Variants in OR2D3 observed in about 807,000 individuals in gnomAD.
The protein encoded by OR2D3 is olfactory receptor family 2 subfamily D member 3, also known as olfactory receptor 2D3.
For missense variants in OR2D3, 409 were observed against 388.8 expected, an observed-to-expected ratio of 1.05 and a Z score of -0.44; for synonymous variants, 154 against 145.8, an observed-to-expected ratio of 1.06 and a Z score of -0.40.
Position 6,921,496 on chromosome 11 carries a change from G to A in OR2D3, c.495G>A (p.Trp165Ter). The A allele has an allele frequency of 6.2e-7, 1 of 1,613,944 alleles. No individual in the cohort carries two copies. Among genetic ancestry groups the A allele is most frequent in the East Asian group, 2.2e-5 (1 of 44,868 alleles). The change falls in exon 1 of 1, where the codon TGG becomes TGA. Residue 165 changes from tryptophan to a stop codon, truncating the protein, a stop_gained. Coordinates refer to ENST00000317834, the MANE Select transcript of OR2D3 (RefSeq NM_001004684.1). LOFTEE classifies it high-confidence loss of function. ...GTCTCTGGCTGTCCTTCAGGTCCTG[G>A]GCCAGTGGGGCACTAGTGTCTTTAG... Reference protein sequence around the residue: ...RVCLWLSFRSWASGALVSLVD... With the variant: ...RVCLWLSFRS
rs140839608 is a variant in OR2D3 at position 6,921,910 on chromosome 11, C to G, written c.909C>G (p.Pro303=). The G allele has an allele frequency of 5.0e-5, 81 of 1,613,960 alleles. No homozygotes were observed. The highest frequency in any genetic ancestry group is 6.9e-5 in the Non-Finnish European group (81 of 1,180,014). Residue 303 remains proline (P), a synonymous_variant, in exon 1 of 1, where the codon CCC becomes CCG. Transcript: ENST00000317834. ...CAGCGGTGACTCCAATGTTGAACCC[C>G]ATAATTTATAGCTTGAGGAACAAAG... ...FYTAVTPMLN[P]IIYSLRNKDV...
Position 6,921,975 on chromosome 11 carries a change from G to C in OR2D3, c.974G>C (p.Cys325Ser). ...CTCAGGAAACTAGTTGGGAGAAAGT[G>C]CTTCTCTCATAGGCAGTGACCTCTG... Reference protein sequence around the residue: ...GALRKLVGRKCFSHRQ With the variant: ...GALRKLVGRKSFSHRQ Residue 325 changes from cysteine to serine, a missense_variant, in exon 1 of 1, where the codon TGC becomes TCC. Physicochemically the swap from Cys to Ser is moderately radical, Grantham distance 112. Coordinates refer to ENST00000317834, the MANE Select transcript of OR2D3 (RefSeq NM_001004684.1). 3 of 1,614,098 alleles carry C rather than the reference G, an allele frequency of 1.9e-6. No individual in the cohort carries two copies. Among genetic ancestry groups the C allele is most frequent in the Non-Finnish European group, 2.5e-6 (3 of 1,180,002 alleles).
At position 6,921,675 on chromosome 11, in the gene OR2D3, C is replaced by G; in HGVS notation, c.674C>G (p.Ala225Gly). Residue 225 changes from alanine (A) to glycine (G), a missense_variant, in exon 1 of 1, where the codon GCC (alanine) becomes GGC (glycine). Transcript: ENST00000317834. ...TCAATGGGCGTGGTAATCCTCCTGG[C>G]CCCTGTCTCCCTGATTCTTGGTTCT... ...IFSMGVVILL[A>G]PVSLILGSYW... 8 of 1,559,292 alleles carry G rather than the reference C, an allele frequency of 5.1e-6. No homozygotes were observed. Among genetic ancestry groups the G allele is most frequent in the Non-Finnish European group, 6.9e-6 (8 of 1,156,200 alleles).
rs1848950054 is a variant in OR2D3, at chr11:6,921,534, T to C, written c.533T>C (p.Phe178Ser). 6.2e-7 allele frequency: 1 copy of C among 1,614,008 alleles called. No homozygotes were observed. Among genetic ancestry groups the C allele is most frequent in the Non-Finnish European group, 8.5e-7 (1 of 1,180,022 alleles). ...CTAGTGTCTTTAGTAGATACCAGCT[T>C]TACTTTCCATCTTCCCTACTGGGGA... ...GALVSLVDTS[F>S]TFHLPYWGQN... The change falls in exon 1 of 1, where the codon TTT (phenylalanine) becomes TCT (serine). Residue 178 changes from phenylalanine (F) to serine (S), a missense_variant. Physicochemically the swap from Phe to Ser is radical, Grantham distance 155 (BLOSUM62 -2). Transcript: ENST00000317834.
chr11:6,921,526 TA>T lies in OR2D3; in HGVS notation c.526del (p.Thr176ProfsTer14), dbSNP rs1418677320. The T allele has an allele frequency of 1.2e-6, 2 of 1,614,022 alleles. No homozygotes were observed. The highest frequency in any genetic ancestry group is 1.7e-6 in the Non-Finnish European group (2 of 1,180,028). On this transcript the variant is annotated frameshift_variant, in exon 1 of 1. Coordinates refer to ENST00000317834, the MANE Select transcript of OR2D3 (RefSeq NM_001004684.1). LOFTEE classifies it high-confidence loss of function. Reference sequence around the variant, plus strand: ...GTGGGGCACTAGTGTCTTTAGTAGATACCAGCTTTACTTTCCATCTTCCCTA... The same window carrying T: ...GTGGGGCACTAGTGTCTTTAGTAGATCCAGCTTTACTTTCCATCTTCCCTA... ...ASGALVSLVDTSFTFHLPYWG... is the reference protein window; with the variant it reads ...ASGALVSLVDXSFTFHLPYWG...
In OR2D3 at chr11:6,921,124, C is replaced by T. The variant is rs1440464188; in HGVS notation, c.123C>T (p.Ile41=). The T allele has an allele frequency of 6.2e-7, 1 of 1,614,130 alleles. No individual in the cohort carries two copies. The highest frequency in any genetic ancestry group is 2.2e-5 in the East Asian group (1 of 44,884). ...LGLSQDLQTQ[I]LLFILFLIIY... is the part of the protein sequence containing the mutation. ...TTTCACAGGACTTGCAGACCCAGATCCTGCTATTTATCCTTTTCCTCATCA... is the reference window on the plus strand; with the variant it reads ...TTTCACAGGACTTGCAGACCCAGATTCTGCTATTTATCCTTTTCCTCATCA... The change falls in exon 1 of 1, where the codon ATC becomes ATT. Residue 41 remains isoleucine (I), a synonymous_variant. Transcript: ENST00000317834.
In OR2D3 at chr11:6,921,558, G is replaced by A; in HGVS notation, c.557G>A (p.Gly186Glu). ...TSFTFHLPYW[G>E]QNIINHYFCE... is the part of the protein sequence containing the mutation. ...TTTACTTTCCATCTTCCCTACTGGG[G>A]ACAGAATATAATCAATCACTACTTT... The change falls in exon 1 of 1, where the codon GGA becomes GAA. Residue 186 changes from glycine (G) to glutamate (E), a missense_variant. Physicochemically the swap from Gly to Glu is moderately conservative, Grantham distance 98. Coordinates refer to ENST00000317834, the MANE Select transcript of OR2D3 (RefSeq NM_001004684.1). The A allele has an allele frequency of 1.9e-6, 3 of 1,614,110 alleles. No individual in the cohort carries two copies. The highest frequency in any genetic ancestry group is 2.5e-6 in the Non-Finnish European group (3 of 1,180,018).
At position 6,921,614 on chromosome 11, in the gene OR2D3, TCCATAGACACTTACAGCACAGAAATGG is replaced by T; in HGVS notation, c.618_644del (p.Asp207_Ile215del). On this transcript the variant is annotated inframe_deletion, in exon 1 of 1. Transcript: ENST00000317834. ...ACCTCCTGCCCTCCTGAAGCTGGCT[TCCATAGACACTTACAGCACAGAAATGG>T]CCATCTTTTCAATGGGCGTGGTAAT... The T allele has an allele frequency of 6.2e-7, 1 of 1,608,202 alleles. No individual in the cohort carries two copies. The highest frequency in any genetic ancestry group is 8.5e-7 in the Non-Finnish European group (1 of 1,177,052).
Position 6,921,677 on chromosome 11 carries a change from C to G in OR2D3, c.676C>G (p.Pro226Ala). The change falls in exon 1 of 1, where the codon CCT becomes GCT. Residue 226 changes from proline (P) to alanine (A), a missense_variant. By Grantham distance (27) the Pro-to-Ala change is conservative (BLOSUM62 -1). Transcript: ENST00000317834. ...AATGGGCGTGGTAATCCTCCTGGCC[C>G]CTGTCTCCCTGATTCTTGGTTCTTA... is the stretch of plus-strand genomic sequence containing the variant. ...FSMGVVILLAPVSLILGSYWN... is the reference protein window; with the variant it reads ...FSMGVVILLAAVSLILGSYWN... 1 of 1,557,256 alleles carries G rather than the reference C, an allele frequency of 6.4e-7. No homozygotes were observed. The highest frequency in any genetic ancestry group is 2.2e-5 in the East Asian group (1 of 44,550).
At position 6,921,464 on chromosome 11, in the gene OR2D3, C is replaced by G. The variant is rs12806437; in HGVS notation, c.463C>G (p.Arg155Gly). ...PLYYSTIMTQ[R>G]VCLWLSFRSW... ...GTACTACTCTACCATCATGACACAA[C>G]GGGTGTGTCTCTGGCTGTCCTTCAG... The change falls in exon 1 of 1, where the codon CGG (arginine) becomes GGG (glycine). Residue 155 changes from arginine to glycine, a missense_variant. Physicochemically the swap from Arg to Gly is moderately radical, Grantham distance 125 (BLOSUM62 -2). Transcript: ENST00000317834. The G allele has an allele frequency of 9.3e-6, 15 of 1,612,858 alleles. No individual in the cohort carries two copies. In the African/African-American group the frequency reaches 2.0e-4, roughly 22 times the overall value.
In OR2D3 at chr11:6,921,537, C is replaced by G. The variant is rs752173981; in HGVS notation, c.536C>G (p.Thr179Ser). 2 of 1,614,162 alleles carry G rather than the reference C, an allele frequency of 1.2e-6. No individual in the cohort carries two copies. The highest frequency in any genetic ancestry group is 1.1e-5 in the South Asian group (1 of 91,080). Reference sequence around the variant, plus strand: ...GTGTCTTTAGTAGATACCAGCTTTACTTTCCATCTTCCCTACTGGGGACAG... The same window carrying G: ...GTGTCTTTAGTAGATACCAGCTTTAGTTTCCATCTTCCCTACTGGGGACAG... Reference protein sequence around the residue: ...ALVSLVDTSFTFHLPYWGQNI... With the variant: ...ALVSLVDTSFSFHLPYWGQNI... Residue 179 changes from threonine to serine, a missense_variant, in exon 1 of 1, where the codon ACT (threonine) becomes AGT (serine). By Grantham distance (58) the Thr-to-Ser change is moderately conservative. Coordinates refer to ENST00000317834, the MANE Select transcript of OR2D3 (RefSeq NM_001004684.1).
At position 6,921,201 on chromosome 11, in the gene OR2D3, T is replaced by G; in HGVS notation, c.200T>G (p.Leu67Arg). The change falls in exon 1 of 1, where the codon CTG (leucine) becomes CGG (arginine). Residue 67 changes from leucine (L) to arginine (R), a missense_variant. Physicochemically the swap from Leu to Arg is moderately radical, Grantham distance 102 (BLOSUM62 -2). Coordinates refer to ENST00000317834, the MANE Select transcript of OR2D3 (RefSeq NM_001004684.1). The part of the protein sequence containing the change: ...GNQLIIILIF[L>R]DSRLHTPMYF... ...CAGCTCATCATCATTCTCATCTTCC[T>G]GGATTCTCGCCTTCACACTCCCATG... 1 of 1,614,132 alleles carries G rather than the reference T, an allele frequency of 6.2e-7. No individual in the cohort carries two copies. Among genetic ancestry groups the G allele is most frequent in the Non-Finnish European group, 8.5e-7 (1 of 1,179,986 alleles).
rs759905307 is a variant in OR2D3 at position 6,921,759 on chromosome 11, C to T, written c.758C>T (p.Ala253Val). 1.5e-5 allele frequency: 23 copies of T among 1,536,102 alleles called. No homozygotes were observed. The African/African-American group carries it at 2.9e-4, about 19-fold the overall frequency. Residue 253 changes from alanine (A) to valine (V), a missense_variant, in exon 1 of 1, where the codon GCT becomes GTT. By Grantham distance (64) the Ala-to-Val change is moderately conservative. Transcript: ENST00000317834. ...QMQSGEGRLK[A>V]FSTCGSHLIV... Reference sequence around the variant, plus strand: ...CAGTCTGGGGAAGGGAGACTCAAGGCTTTTTCCACCTGTGGCTCCCATCTT... The same window carrying T: ...CAGTCTGGGGAAGGGAGACTCAAGGTTTTTTCCACCTGTGGCTCCCATCTT...
At position 6,921,913 on chromosome 11, in the gene OR2D3, A is replaced by C. The variant is rs1162193637; in HGVS notation, c.912A>C (p.Ile304=). ...YTAVTPMLNP[I]IYSLRNKDVK... The stretch of plus-strand genomic sequence containing the variant: ...CGGTGACTCCAATGTTGAACCCCAT[A>C]ATTTATAGCTTGAGGAACAAAGATG... Residue 304 remains isoleucine, a synonymous_variant, in exon 1 of 1, where the codon ATA becomes ATC. Coordinates refer to ENST00000317834, the MANE Select transcript of OR2D3 (RefSeq NM_001004684.1). 1 of 1,614,112 alleles carries C rather than the reference A, an allele frequency of 6.2e-7. No homozygotes were observed. The highest frequency in any genetic ancestry group is 1.1e-5 in the South Asian group (1 of 91,082).
rs781392260 is a variant in OR2D3, at chr11:6,921,255, C to T, written c.254C>T (p.Ala85Val). The T allele has an allele frequency of 2.5e-6, 4 of 1,614,148 alleles. No individual in the cohort carries two copies. In the South Asian group the frequency reaches 3.3e-5, roughly 13 times the overall value. Reference protein sequence around the residue: ...MYFFLRNLSFADLCFSTSIVP... With the variant: ...MYFFLRNLSFVDLCFSTSIVP... ...TTTTTTCTTAGAAATCTCTCCTTTG[C>T]AGATCTCTGTTTCTCTACTAGCATT... The change falls in exon 1 of 1, where the codon GCA becomes GTA. Residue 85 changes from alanine to valine, a missense_variant. By Grantham distance (64) the Ala-to-Val change is moderately conservative. Coordinates refer to ENST00000317834, the MANE Select transcript of OR2D3 (RefSeq NM_001004684.1).
chr11:6,921,788 G>T lies in OR2D3; in HGVS notation c.787G>T (p.Val263Phe). 6.4e-7 allele frequency: 1 copy of T among 1,550,812 alleles called. No homozygotes were observed. The highest frequency in any genetic ancestry group is 8.7e-7 in the Non-Finnish European group (1 of 1,153,086). The change falls in exon 1 of 1, where the codon GTT becomes TTT. Residue 263 changes from valine (V) to phenylalanine (F), a missense_variant. Coordinates refer to ENST00000317834, the MANE Select transcript of OR2D3 (RefSeq NM_001004684.1). Reference sequence around the variant, plus strand: ...TTCCACCTGTGGCTCCCATCTTATTGTTGTTGTCCTCTTCTATGGGTCAGG... The same window carrying T: ...TTCCACCTGTGGCTCCCATCTTATTTTTGTTGTCCTCTTCTATGGGTCAGG... ...AFSTCGSHLI[V>F]VVLFYGSGIF...
rs1280142109 is a variant in OR2D3 at position 6,921,552 on chromosome 11, A to C, written c.551A>C (p.Tyr184Ser). The change falls in exon 1 of 1, where the codon TAC (tyrosine) becomes TCC (serine). Residue 184 changes from tyrosine to serine, a missense_variant. Transcript: ENST00000317834. ...VDTSFTFHLPYWGQNIINHYF... is the reference protein window; with the variant it reads ...VDTSFTFHLPSWGQNIINHYF... Reference sequence around the variant, plus strand: ...ACCAGCTTTACTTTCCATCTTCCCTACTGGGGACAGAATATAATCAATCAC... The same window carrying C: ...ACCAGCTTTACTTTCCATCTTCCCTCCTGGGGACAGAATATAATCAATCAC... The C allele has an allele frequency of 6.8e-6, 11 of 1,613,900 alleles. No homozygotes were observed. The highest frequency in any genetic ancestry group is 6.7e-5 in the East Asian group (3 of 44,888).
At position 6,921,687 on chromosome 11, in the gene OR2D3, T is replaced by A. The variant is rs1212322850; in HGVS notation, c.686T>A (p.Leu229Gln). Residue 229 changes from leucine to glutamine, a missense_variant, in exon 1 of 1, where the codon CTG (leucine) becomes CAG (glutamine). Coordinates refer to ENST00000317834, the MANE Select transcript of OR2D3 (RefSeq NM_001004684.1). ...GVVILLAPVSLILGSYWNIIS... is the reference protein window; with the variant it reads ...GVVILLAPVSQILGSYWNIIS... ...GTAATCCTCCTGGCCCCTGTCTCCCTGATTCTTGGTTCTTATTGGAATATT... is the reference window on the plus strand; with the variant it reads ...GTAATCCTCCTGGCCCCTGTCTCCCAGATTCTTGGTTCTTATTGGAATATT... 7.7e-6 allele frequency: 12 copies of A among 1,550,214 alleles called. No individual in the cohort carries two copies. The highest frequency in any genetic ancestry group is 1.4e-5 in the African/African-American group (1 of 72,738).
chr11:6,921,513 T>A lies in OR2D3; in HGVS notation c.512T>A (p.Val171Glu). The change falls in exon 1 of 1, where the codon GTG (valine) becomes GAG (glutamate). Residue 171 changes from valine to glutamate, a missense_variant. Physicochemically the swap from Val to Glu is moderately radical, Grantham distance 121. Coordinates refer to ENST00000317834, the MANE Select transcript of OR2D3 (RefSeq NM_001004684.1). ...SFRSWASGAL[V>E]SLVDTSFTFH... is the part of the protein sequence containing the mutation. ...AGGTCCTGGGCCAGTGGGGCACTAG[T>A]GTCTTTAGTAGATACCAGCTTTACT... is the stretch of plus-strand genomic sequence containing the variant. 12 of 1,614,102 alleles carry A rather than the reference T, an allele frequency of 7.4e-6. No homozygotes were observed. The highest frequency in any genetic ancestry group is 1.0e-5 in the Non-Finnish European group (12 of 1,180,010).
Sources: gnomAD v4.1 joint callset for allele counts on GRCh38, gnomAD v4.1.1 for gene constraint, MANE v1.5 for transcripts, NCBI Gene and HGNC (gene_info 2026-07-23, HGNC 2026-07-21) for gene names.